Variants in SLX4IP observed in about 807,000 individuals in gnomAD.
SLX4IP encodes protein SLX4IP.
SLX4IP carries 34 observed loss-of-function variants against 32.9 expected under a neutral mutation model. The ratio of observed to expected loss-of-function variants is 1.03; its 90% CI spans 0.79 to 1.38. The LOEUF is 1.38. SLX4IP is among the 40% of genes most tolerant of loss of function. SLX4IP has a pLI of 0.00. For missense variants in SLX4IP, 444 were observed against 479.0 expected (o/e 0.93, Z 0.68); for synonymous variants, 172 against 171.7 (o/e 1.00, Z -0.01).
chr20:10,499,433 C>T (rs2065697708), intron 2 of SLX4IP, among the ~76,000 whole-genome samples: 1 of 152,120 alleles, frequency 6.6e-6, no homozygotes, highest in Admixed American at 6.5e-5. Context: ...CTAGACAATT[C>T]ATTGCATTCA....
chr20:10,604,760 A>G (rs1292375853), intron 6 of SLX4IP, among the ~76,000 whole-genome samples: 1 of 152,202 alleles, frequency 6.6e-6, no homozygotes, highest in Non-Finnish European at 1.5e-5. Flanking sequence ...CCCATGTGCT[A>G]GGGATGTGGG....
At chr20:10,530,259 T>C (rs181350217) in intron 2 of SLX4IP, among the ~76,000 whole-genome samples, 1 of 152,310 alleles carries the variant, frequency 6.6e-6, no homozygotes, top group Non-Finnish European at 1.5e-5. Flanking sequence ...TGGTTATTCT[T>C]TGTGTTTCTG....
chr20:10,491,768 A>G (rs1294917559), intron 2 of SLX4IP, among the ~76,000 whole-genome samples: 2 of 152,232 alleles, frequency 1.3e-5, no homozygotes, highest in Non-Finnish European at 2.9e-5. Context: ...ACGTAATAGT[A>G]TCTACTGGTA....
At chr20:10,515,131 C>G (rs2065839140) in intron 2 of SLX4IP, among the ~76,000 whole-genome samples, 1 of 125,048 alleles carries the variant, frequency 8.0e-6, no homozygotes, top group Non-Finnish European at 1.6e-5. Context: ...GTCACCCAGG[C>G]TTGAATGCAG....
At chr20:10,535,156 C>T (rs1233869901) in intron 2 of SLX4IP, among the ~76,000 whole-genome samples, 1 of 152,034 alleles carries the variant, frequency 6.6e-6, no homozygotes, top group Non-Finnish European at 1.5e-5. Context: ...GAAGGCCAGG[C>T]TGGAGCAGGT....
chr20:10,618,147 C>G (rs2067060563), intron 6 of SLX4IP, among the ~76,000 whole-genome samples: 1 of 152,206 alleles, frequency 6.6e-6, no homozygotes, highest in South Asian at 2.1e-4. Context: ...CAGCCTTCCC[C>G]TTGGTTCTGT....
chr20:10,537,815 G>C (rs1351244131), intron 2 of SLX4IP, among the ~76,000 whole-genome samples: 3 of 152,158 alleles, frequency 2.0e-5, no homozygotes, highest in African/African-American at 7.2e-5. Flanking sequence ...AGGACAACAT[G>C]ATCATTTAGA....
intron 1 of SLX4IP, among the ~76,000 whole-genome samples, chr20:10,454,068 T>C (rs1600887622): frequency 6.6e-6 from 1 of 152,326 alleles, no homozygotes; most frequent in East Asian, 1.9e-4. Flanking sequence ...TCTTAAAAAA[T>C]GTTTTCTTCT....
chr20:10,518,549 CCTTT>C (rs1555811136), intron 2 of SLX4IP, among the ~76,000 whole-genome samples: 1 of 52,884 alleles, frequency 1.9e-5, no homozygotes, highest in African/African-American at 7.1e-5. Context: ...TTCCTTCCTT[CCTTT>C]CCTTCTTTCT....
intron 4 of SLX4IP, among the ~76,000 whole-genome samples, chr20:10,572,924 T>C (rs1003775888): frequency 6.6e-6 from 1 of 152,212 alleles, no homozygotes; most frequent in Admixed American, 6.5e-5. Context: ...TACCACCATG[T>C]TGGGGAATCA....
chr20:10,596,137 T>C (rs2066768768), intron 4 of SLX4IP, among the ~76,000 whole-genome samples: 1 of 152,204 alleles, frequency 6.6e-6, no homozygotes, highest in Admixed American at 6.5e-5. Context: ...AGGATTTAGC[T>C]GTCACTCAAG....
intron 2 of SLX4IP, among the ~76,000 whole-genome samples, chr20:10,545,092 GC>G (rs1484125718): frequency 2.6e-5 from 4 of 152,236 alleles, no homozygotes; most frequent in South Asian, 2.1e-4. Flanking sequence ...AGATGCTGTG[GC>G]TGCTGGTACT....
chr20:10,602,970 A>G (rs1231187755), intron 6 of SLX4IP, among the ~76,000 whole-genome samples: 3 of 152,236 alleles, frequency 2.0e-5, no homozygotes, highest in Non-Finnish European at 2.9e-5. Context: ...CCATCAGTCA[A>G]ACTCTTAAGA....
intron 2 of SLX4IP, among the ~76,000 whole-genome samples, chr20:10,460,400 T>C (rs1266907009): frequency 1.3e-5 from 2 of 152,220 alleles, no homozygotes; most frequent in East Asian, 3.8e-4. Context: ...CCTTTTGATG[T>C]TGGTTGGGGC....
At chr20:10,437,293 TTCTG>T (rs2065123293) in intron 1 of SLX4IP, among the ~76,000 whole-genome samples, 1 of 152,148 alleles carries the variant, frequency 6.6e-6, no homozygotes, top group Non-Finnish European at 1.5e-5. Context: ...CCCAGCTGCC[TTCTG>T]TCTTTCTTTA....
chr20:10,493,898 G>A (rs1356846434), intron 2 of SLX4IP, among the ~76,000 whole-genome samples: 1 of 94,670 alleles, frequency 1.1e-5, no homozygotes, highest in African/African-American at 4.2e-5. Context: ...GGGTCTTACT[G>A]TGTTACCCAG....
chr20:10,609,338 A>T lies in SLX4IP; in HGVS notation c.405+7519A>T, dbSNP rs893859735. On this transcript the variant is annotated intron_variant, in intron 6 of 7. Coordinates refer to ENST00000334534, the MANE Select transcript of SLX4IP (RefSeq NM_001009608.3). ...GAATTCAATACTCATTTTCCCAAGG[A>T]TACAGTGTCATAACGGGATGAGGTT... Among the ~76,000 whole-genome samples the T allele has an allele frequency of 3.9e-5, 6 of 152,220 alleles. No homozygotes were observed. In the South Asian group the frequency reaches 1.2e-3, roughly 31 times the overall value.
chr20:10,460,158 C>T (rs2065324439), intron 2 of SLX4IP, among the ~76,000 whole-genome samples: 1 of 152,200 alleles, frequency 6.6e-6, no homozygotes, highest in African/African-American at 2.4e-5. Context: ...TATTTGGTCT[C>T]ACCCTAGAAA....
At chr20:10,538,529 CTT>C (rs1293744404) in intron 2 of SLX4IP, among the ~76,000 whole-genome samples, 18 of 143,854 alleles carry the variant, frequency 1.3e-4, no homozygotes, top group Non-Finnish European at 1.2e-4. Context: ...AGCCCTTCAT[CTT>C]TTTTTTTTTT....
Sources: gnomAD v4.1 joint callset for allele counts (sites outside exome capture counted in the v4.1 genomes callset) on GRCh38, gnomAD v4.1.1 for gene constraint, MANE v1.5 for transcripts, NCBI Gene and HGNC (gene_info 2026-07-23, HGNC 2026-07-21) for gene names.